RAD18: variants seen among roughly 807,000 people sequenced by gnomAD.
RAD18 encodes RAD18 E3 ubiquitin protein ligase, also known as E3 ubiquitin-protein ligase RAD18.
In RAD18, 47 loss-of-function variants were observed where a neutral mutation model predicts 60.4. The observed-to-expected ratio is 0.78, with a 90% CI of 0.62 to 0.99. RAD18 has a LOEUF of 0.99. RAD18 is among the 50% of genes least tolerant of loss of function. The pLI, the probability that RAD18 is intolerant of heterozygous loss-of-function variation, is 0.00. For synonymous variants in RAD18, 225 were observed against 195.5 expected (o/e 1.15, Z -1.26); for missense variants, 640 against 593.3 (o/e 1.08, Z -0.82).
At chr3:8,923,485 A>G (rs1940368076) in intron 7 of RAD18, among the ~76,000 whole-genome samples, 1 of 152,136 alleles carries the variant, frequency 6.6e-6, no homozygotes, top group Non-Finnish European at 1.5e-5. Flanking sequence ...GTTGGAAAAC[A>G]CTCTGCAGGA....
At chr3:8,903,949 T>C (rs1939959730) in intron 9 of RAD18, among the ~76,000 whole-genome samples, 1 of 152,192 alleles carries the variant, frequency 6.6e-6, no homozygotes, top group Non-Finnish European at 1.5e-5. Flanking sequence ...TATGGCATTG[T>C]CTAAATCTAC....
intron 7 of RAD18, among the ~76,000 whole-genome samples, chr3:8,935,414 G>A (rs943267159): frequency 7.9e-5 from 12 of 152,148 alleles, no homozygotes; most frequent in African/African-American, 2.9e-4. Context: ...TACTTGCTAA[G>A]GTACTGTGTT....
Position 8,881,147 on chromosome 3 carries a change from A to C in RAD18, c.*210T>G. 2.0e-6 allele frequency: 1 copy of C among 498,584 alleles called. No individual in the cohort carries two copies. Among genetic ancestry groups the C allele is most frequent in the East Asian group, 3.6e-5 (1 of 27,402 alleles). 30.9% of individuals were successfully genotyped at this position (498,584 alleles called of 1,614,324 possible). A position where few individuals can be genotyped will look rare whatever the true frequency, so the allele number is the denominator to read the frequency against. On this transcript the variant is annotated 3_prime_UTR_variant, in exon 13 of 13. Coordinates refer to ENST00000264926, the MANE Select transcript of RAD18 (RefSeq NM_020165.4). ...GAAATGTCAGTATTTTTAGAGAGAG[A>C]TGTTTTAGAGGCAGGAGGCAACTGA...
chr3:8,956,031 A>G (rs1482514577), intron 2 of RAD18, among the ~76,000 whole-genome samples: 1 of 152,258 alleles, frequency 6.6e-6, no homozygotes, highest in Admixed American at 6.5e-5. Flanking sequence ...ATAACATAGA[A>G]TTAAAACAAT....
chr3:8,915,650 C>A (rs1940187173), intron 7 of RAD18, among the ~76,000 whole-genome samples: 1 of 149,862 alleles, frequency 6.7e-6, no homozygotes, highest in African/African-American at 2.5e-5. Context: ...GTGGCGCGAT[C>A]TCGGCTCACT....
In RAD18 at chr3:8,890,403, C is replaced by G. The variant is rs1939663784; in HGVS notation, c.1371G>C (p.Trp457Cys). The G allele has an allele frequency of 1.9e-6, 3 of 1,592,198 alleles. No individual in the cohort carries two copies. Among genetic ancestry groups the G allele is most frequent in the Non-Finnish European group, 2.6e-6 (3 of 1,160,286 alleles). ...TGAGAACTCACTTATGTGATGCTTC[C>G]CAGGCTTCCTCTTCTTCTAAAAGAT... ...IRDLLEEEEA[W>C]EASHKNDLQD... Residue 457 changes from tryptophan (W) to cysteine (C), a missense_variant, in exon 12 of 13, where the codon TGG (tryptophan) becomes TGC (cysteine). Trp to Cys is a radical substitution (Grantham distance 215, BLOSUM62 -2). Transcript: ENST00000264926.
intron 5 of RAD18, among the ~76,000 whole-genome samples, chr3:8,940,214 G>T (rs192377235): frequency 6.6e-6 from 1 of 152,188 alleles, no homozygotes; most frequent in East Asian, 1.9e-4. Flanking sequence ...AAAGTTGCAG[G>T]GATCTGTGGG....
intron 7 of RAD18, among the ~76,000 whole-genome samples, chr3:8,920,592 C>A (rs1316548672): frequency 6.6e-6 from 1 of 152,136 alleles, no homozygotes; most frequent in Non-Finnish European, 1.5e-5. Flanking sequence ...GTGATCAGGC[C>A]TGATATCACA....
chr3:8,955,015 A>G (rs984694172), intron 2 of RAD18, among the ~76,000 whole-genome samples: 5 of 152,238 alleles, frequency 3.3e-5, no homozygotes, highest in African/African-American at 1.2e-4. Context: ...CTCTTAAAGA[A>G]TGGCATAAGT....
chr3:8,949,721 A>G (rs1432132212), intron 2 of RAD18, among the ~76,000 whole-genome samples: 3 of 152,136 alleles, frequency 2.0e-5, no homozygotes, highest in Admixed American at 1.3e-4. Flanking sequence ...GAAACCCACA[A>G]ACAGAAACCT....
At chr3:8,963,135 C>T (rs45476993) in intron 1 of RAD18, among the ~76,000 whole-genome samples, 200 bp downstream of exon 1, 2,610 of 152,332 alleles carry the variant, frequency 0.017, 31 homozygotes, top group Non-Finnish European at 0.028. Flanking sequence ...GCTCACCAGG[C>T]TTGTCCTTGT....
At position 8,960,501 on chromosome 3, in the gene RAD18, A is replaced by G. The variant is rs180838866; in HGVS notation, c.52-1500T>C. Among the ~76,000 whole-genome samples the G allele has an allele frequency of 2.2e-4, 33 of 152,334 alleles. 1 individual carries two copies. Among genetic ancestry groups the G allele is most frequent in the Admixed American group, 1.1e-3 (17 of 15,294 alleles). ...TAAAAATGTAAACAAAAAAGGACTA[A>G]TGTCGCTAATGGTCCATATGATGAA... On this transcript the variant is annotated intron_variant, in intron 1 of 12. Coordinates refer to ENST00000264926, the MANE Select transcript of RAD18 (RefSeq NM_020165.4).
At chr3:8,891,559 G>T (rs1481556696) in intron 11 of RAD18, among the ~76,000 whole-genome samples, 1 of 152,128 alleles carries the variant, frequency 6.6e-6, no homozygotes, top group Non-Finnish European at 1.5e-5. Context: ...GTTAGAGGTG[G>T]TTAACAAAAA....
chr3:8,893,562 C>T (rs752012307), intron 11 of RAD18, among the ~76,000 whole-genome samples: 48 of 151,978 alleles, frequency 3.2e-4, no homozygotes, highest in Non-Finnish European at 5.7e-4. Context: ...AGTTGGCTAA[C>T]GTATTAGAAT....
At chr3:8,912,480 T>C in intron 8 of RAD18, 108 bp from the exon 9 acceptor site, 5 of 723,472 alleles carry the variant, frequency 6.9e-6, no homozygotes, top group Non-Finnish European at 8.8e-6. Flanking sequence ...TAGAGGAAAA[T>C]GATCTCTCAT....
chr3:8,926,844 C>T lies in RAD18; in HGVS notation c.889+9027G>A, dbSNP rs1476413960. Among the ~76,000 whole-genome samples the T allele has an allele frequency of 2.0e-5, 3 of 152,248 alleles. No individual in the cohort carries two copies. In the East Asian group the frequency reaches 5.8e-4, roughly 29 times the overall value. On this transcript the variant is annotated intron_variant, in intron 7 of 12. Transcript: ENST00000264926. The stretch of plus-strand genomic sequence containing the variant: ...TATTTAATAAATGGTGCTGGGAAAA[C>T]TGGCTAGCCATATGTAGAAAGCTGA...
intron 2 of RAD18, among the ~76,000 whole-genome samples, chr3:8,954,394 A>G (rs1428709977): frequency 6.6e-6 from 1 of 152,244 alleles, no homozygotes; most frequent in Non-Finnish European, 1.5e-5. Context: ...AAAGCCAGCC[A>G]ATTGCTAAAT....
intron 9 of RAD18, among the ~76,000 whole-genome samples, chr3:8,908,736 C>T (rs932870777): frequency 2.6e-4 from 40 of 152,280 alleles, no homozygotes; most frequent in Middle Eastern, 3.4e-3. Flanking sequence ...TAATTAATTG[C>T]ACAATAAATA....
intron 11 of RAD18, among the ~76,000 whole-genome samples, chr3:8,893,414 G>T (rs571363072): frequency 1.3e-5 from 2 of 152,132 alleles, no homozygotes; most frequent in Admixed American, 1.3e-4. Context: ...TAGATCACTG[G>T]AGGATCAATG....
Sources: gnomAD v4.1 joint callset for allele counts (sites outside exome capture counted in the v4.1 genomes callset) on GRCh38, gnomAD v4.1.1 for gene constraint, MANE v1.5 for transcripts, NCBI Gene and HGNC (gene_info 2026-07-23, HGNC 2026-07-21) for gene names.